The following MAGI3 variants were observed in gnomAD, a reference collection of about 807,000 sequenced individuals.
MAGI3 encodes membrane-associated guanylate kinase, WW and PDZ domain-containing protein 3.
Under a neutral mutation model 121.8 loss-of-function variants are expected in MAGI3, and 43 were observed. The ratio of observed to expected loss-of-function variants is 0.35; its 90% CI spans 0.28 to 0.46. MAGI3 has a LOEUF of 0.46. Among genes scored for constraint, MAGI3 ranks in the 20% least tolerant of loss-of-function variants. The probability of loss-of-function intolerance (pLI) is 1.00; values close to 1 mark genes in which losing one functional copy is unlikely to be tolerated. For missense variants in MAGI3, 1,547 were observed against 1,797.3 expected (o/e 0.86, Z 2.52); for synonymous variants, 553 against 639.3 (o/e 0.86, Z 2.04).
At chr1:113,525,965 G>A (rs1168845603) in intron 1 of MAGI3, among the ~76,000 whole-genome samples, 2 of 152,056 alleles carry the variant, frequency 1.3e-5, no homozygotes, top group Admixed American at 1.3e-4. Context: ...TTGCACCACT[G>A]CACTCTAGCC....
chr1:113,480,857 A>G (rs903391538), intron 1 of MAGI3, among the ~76,000 whole-genome samples: 2 of 152,276 alleles, frequency 1.3e-5, no homozygotes, highest in Middle Eastern at 3.4e-3. Context: ...CTCTAGTGTG[A>G]CTTTTGAATC....
chr1:113,623,062 T>G, intron 9 of MAGI3, 68 bp downstream of exon 9: 1 of 968,110 alleles, frequency 1.0e-6, no homozygotes, highest in Non-Finnish European at 1.4e-6. Flanking sequence ...GAAGAGATTT[T>G]ATATACATAA....
intron 1 of MAGI3, among the ~76,000 whole-genome samples, chr1:113,515,387 C>G (rs1227757292): frequency 6.6e-6 from 1 of 152,058 alleles, no homozygotes; most frequent in African/African-American, 2.4e-5. Context: ...TTTTTACTAT[C>G]TCTTCTCAAA....
intron 2 of MAGI3, among the ~76,000 whole-genome samples, chr1:113,550,582 C>A (rs1262537518): frequency 6.6e-6 from 1 of 150,998 alleles, no homozygotes; most frequent in Non-Finnish European, 1.5e-5. Flanking sequence ...ATGGTGAAAC[C>A]CCATCTCTAC....
chr1:113,526,448 C>T (rs1479128126), intron 1 of MAGI3, among the ~76,000 whole-genome samples: 1 of 152,094 alleles, frequency 6.6e-6, no homozygotes, highest in Non-Finnish European at 1.5e-5. Flanking sequence ...AGGAACATCA[C>T]ATCCCAAGCT....
Position 113,390,952 on chromosome 1 carries a change from A to G in MAGI3, c.-82A>G, listed in dbSNP as rs186080609. On this transcript the variant is annotated 5_prime_UTR_variant, in exon 1 of 21. Coordinates refer to ENST00000307546, the MANE Select transcript of MAGI3 (RefSeq NM_001142782.2). ...CCTTACCGGGCTGCGCGGGCCGCCCAGGGCCCCCGGGCTGAGACGGGGCCG... is the reference window on the plus strand; with the variant it reads ...CCTTACCGGGCTGCGCGGGCCGCCCGGGGCCCCCGGGCTGAGACGGGGCCG... 2.4e-6 allele frequency: 3 copies of G among 1,258,628 alleles called. No homozygotes were observed. In the South Asian group the frequency reaches 6.2e-5, roughly 26 times the overall value. 78.0% of individuals were successfully genotyped at this position (1,258,628 alleles called of 1,614,324 possible). A position where few individuals can be genotyped will look rare whatever the true frequency, so the allele number is the denominator to read the frequency against.
chr1:113,574,453 G>A (rs1342021826), intron 2 of MAGI3, among the ~76,000 whole-genome samples: 1 of 152,156 alleles, frequency 6.6e-6, no homozygotes, highest in African/African-American at 2.4e-5. Context: ...CTGAAGCTTA[G>A]TTTGGATAGA....
rs139078712 is a variant in MAGI3, at chr1:113,653,067, A to G, written c.2441-763A>G. Among the ~76,000 whole-genome samples, 360 of 152,344 alleles carry G rather than the reference A, an allele frequency of 2.4e-3. 1 individual carries two copies. The highest frequency in any genetic ancestry group is 8.1e-3 in the African/African-American group (336 of 41,578). On this transcript the variant is annotated intron_variant, in intron 14 of 20. Coordinates refer to ENST00000307546, the MANE Select transcript of MAGI3 (RefSeq NM_001142782.2). ...TCAGGAAACTGCAGTTGCAAAACAC[A>G]TCATATAAGACAAATCCTGTACAGG...
chr1:113,579,101 C>T (rs1273512287), intron 2 of MAGI3, among the ~76,000 whole-genome samples: 1 of 152,154 alleles, frequency 6.6e-6, no homozygotes, highest in Non-Finnish European at 1.5e-5. Flanking sequence ...CATTTGTTTA[C>T]AATTTCACTT....
intron 16 of MAGI3, among the ~76,000 whole-genome samples, chr1:113,661,607 A>C (rs990745550): frequency 6.6e-6 from 1 of 152,220 alleles, no homozygotes; most frequent in Non-Finnish European, 1.5e-5. Context: ...TATTTTCTCC[A>C]AGAGATTATC....
chr1:113,644,303 C>T (rs185853339), intron 11 of MAGI3, among the ~76,000 whole-genome samples: 180 of 151,934 alleles, frequency 1.2e-3, no homozygotes, highest in Admixed American at 4.3e-3. Context: ...TTTTTTGAGA[C>T]GGAGTCTTGC....
Position 113,519,813 on chromosome 1 carries a change from C to G in MAGI3, c.317-29702C>G, listed in dbSNP as rs115721038. On this transcript the variant is annotated intron_variant, in intron 1 of 20. Transcript: ENST00000307546. The stretch of plus-strand genomic sequence containing the variant: ...GCCTAGCACATACCAGATTTCCAGA[C>G]TCCCAAAGAAAAGTAAACCATATTG... Among the ~76,000 whole-genome samples, 140 of 152,320 alleles carry G rather than the reference C, an allele frequency of 9.2e-4. 1 individual carries two copies. Among genetic ancestry groups the G allele is most frequent in the African/African-American group, 3.2e-3 (135 of 41,564 alleles).
chr1:113,541,575 T>C (rs189053197), intron 1 of MAGI3, among the ~76,000 whole-genome samples: 133 of 152,314 alleles, frequency 8.7e-4, no homozygotes, highest in African/African-American at 3.2e-3. Context: ...GTAACGAGCG[T>C]GGCATACTTA....
chr1:113,393,718 T>A (rs1209329777), intron 1 of MAGI3, among the ~76,000 whole-genome samples: 1 of 152,238 alleles, frequency 6.6e-6, no homozygotes, highest in Non-Finnish European at 1.5e-5. Context: ...CAAAGATTCT[T>A]TATTGTGATT....
rs59047770 is a variant in MAGI3, at chr1:113,604,565, C to CAA, written c.1019-10007_1019-10006dup. ...CTGGCGACAGAGTGAGTCTCCATCT[C>CAA]AAAAAAAAAAAAAAAAAAAAAAAAA... On this transcript the variant is annotated intron_variant, in intron 6 of 20. Coordinates refer to ENST00000307546, the MANE Select transcript of MAGI3 (RefSeq NM_001142782.2). Among the ~76,000 whole-genome samples, 61 of 62,002 alleles carry CAA rather than the reference C, an allele frequency of 9.8e-4. 1 individual carries two copies. Among genetic ancestry groups the CAA allele is most frequent in the East Asian group, 5.4e-3 (6 of 1,114 alleles). 40.7% of individuals were successfully genotyped at this position (62,002 alleles called of 152,430 possible).
intron 1 of MAGI3, among the ~76,000 whole-genome samples, chr1:113,442,194 A>G (rs952470562): frequency 6.6e-6 from 1 of 152,130 alleles, no homozygotes; most frequent in Admixed American, 6.5e-5. Context: ...GAGAGAGCAT[A>G]TATATACTTT....
intron 3 of MAGI3, among the ~76,000 whole-genome samples, chr1:113,584,423 A>C (rs1285902137): frequency 5.3e-5 from 8 of 152,218 alleles, no homozygotes; most frequent in Non-Finnish European, 8.8e-5. Flanking sequence ...AGAAAGTTAA[A>C]GTATTTCTTG....
At chr1:113,671,709 T>C (rs1647561077) in intron 16 of MAGI3, 25 bp from the exon 17 acceptor site, 1 of 1,608,652 alleles carries the variant, frequency 6.2e-7, no homozygotes, top group African/African-American at 1.3e-5. Flanking sequence ...AAATTCTTAT[T>C]TCTATTGTTT....
intron 1 of MAGI3, among the ~76,000 whole-genome samples, chr1:113,408,196 T>C (rs1008406794): frequency 3.3e-5 from 5 of 152,182 alleles, no homozygotes; most frequent in African/African-American, 9.6e-5. Flanking sequence ...CTGAAATTTC[T>C]CTTTTTTTGC....
Sources: gnomAD v4.1 joint callset for allele counts (sites outside exome capture counted in the v4.1 genomes callset) on GRCh38, gnomAD v4.1.1 for gene constraint, MANE v1.5 for transcripts, NCBI Gene and HGNC (gene_info 2026-07-23, HGNC 2026-07-21) for gene names.